Variants in ATRNL1 observed in about 807,000 individuals in gnomAD.
The protein encoded by ATRNL1 is attractin-like protein 1.
A neutral mutation model predicts 182.7 loss-of-function variants in ATRNL1; 95 were observed. The ratio of observed to expected loss-of-function variants is 0.52; its 90% CI spans 0.44 to 0.62. ATRNL1 has a LOEUF of 0.62. Among genes scored for constraint, ATRNL1 ranks in the 20% least tolerant of loss-of-function variants. ATRNL1 has a pLI of 0.00. For synonymous variants in ATRNL1, 576 were observed against 568.3 expected (o/e 1.01, Z -0.19); for missense variants, 1,471 against 1,679.5 (o/e 0.88, Z 2.17).
intron 19 of ATRNL1, among the ~76,000 whole-genome samples, chr10:115,372,266 C>A (rs1467762860): frequency 1.3e-5 from 2 of 152,128 alleles, no homozygotes; most frequent in African/African-American, 4.8e-5. Context: ...TTGATATTAA[C>A]CCCTCATCCA....
At chr10:115,345,628 G>A (rs533593579) in intron 19 of ATRNL1, among the ~76,000 whole-genome samples, 35 of 152,236 alleles carry the variant, frequency 2.3e-4, no homozygotes, top group Admixed American at 5.9e-4. Context: ...TTGTTAAATT[G>A]ATGTCCCTGT....
At chr10:115,690,274 A>G (rs78904465) in intron 26 of ATRNL1, among the ~76,000 whole-genome samples, 2,669 of 151,818 alleles carry the variant, frequency 0.018, 77 homozygotes, top group African/African-American at 0.061. Context: ...CAATTTTTCT[A>G]CAGATGGGGG....
At chr10:115,203,660 A>G (rs1356992619) in intron 8 of ATRNL1, among the ~76,000 whole-genome samples, 1 of 149,534 alleles carries the variant, frequency 6.7e-6, no homozygotes, top group African/African-American at 2.5e-5. Context: ...GCTCACTGCA[A>G]CCTATGCCTC....
intron 24 of ATRNL1, among the ~76,000 whole-genome samples, chr10:115,471,127 G>C (rs1554972030): frequency 6.6e-6 from 1 of 150,442 alleles, no homozygotes; most frequent in African/African-American, 2.4e-5. Context: ...AAGATTTCCT[G>C]CTTTTTAAAG....
At chr10:115,271,322 T>A (rs1209801664) in intron 13 of ATRNL1, among the ~76,000 whole-genome samples, 1 of 152,116 alleles carries the variant, frequency 6.6e-6, no homozygotes. Flanking sequence ...CTAGGGTACA[T>A]GGGCACAATG....
intron 28 of ATRNL1, among the ~76,000 whole-genome samples, chr10:115,906,837 A>C (rs1243913527): frequency 2.0e-5 from 3 of 152,166 alleles, no homozygotes; most frequent in Non-Finnish European, 4.4e-5. Context: ...AAAAAAAATC[A>C]GAAACCTATA....
At chr10:115,834,314 C>T (rs1290531697) in intron 27 of ATRNL1, among the ~76,000 whole-genome samples, 4 of 152,152 alleles carry the variant, frequency 2.6e-5, no homozygotes, top group African/African-American at 9.7e-5. Flanking sequence ...AGCTTCCTGT[C>T]CTTTGAGCCA....
intron 8 of ATRNL1, among the ~76,000 whole-genome samples, chr10:115,176,663 T>C (rs1259351260): frequency 2.0e-5 from 3 of 152,016 alleles, no homozygotes; most frequent in African/African-American, 7.2e-5. Context: ...ATGTAGTAGA[T>C]TGTGAAGCAG....
intron 26 of ATRNL1, among the ~76,000 whole-genome samples, chr10:115,717,548 C>CTTTTTTTTTTTTTTTTTTTT (rs61386440): frequency 2.4e-5 from 2 of 84,360 alleles, no homozygotes; most frequent in Non-Finnish European, 4.4e-5. Flanking sequence ...CTGAAATGTT[C>CTTTTTTTTTTTTTTTTTTTT]TTTTTTTTTT....
chr10:115,267,363 G>T (rs1034999462), intron 12 of ATRNL1, among the ~76,000 whole-genome samples: 20 of 151,372 alleles, frequency 1.3e-4, no homozygotes, highest in African/African-American at 4.6e-4. Context: ...TTTCCATGTG[G>T]TATTTTTTTT....
intron 15 of ATRNL1, among the ~76,000 whole-genome samples, chr10:115,297,437 C>T (rs889060787): frequency 1.3e-5 from 2 of 151,658 alleles, no homozygotes; most frequent in African/African-American, 2.4e-5. Context: ...GTCAGGAGTT[C>T]GAGACCATCC....
intron 18 of ATRNL1, 59 bp downstream of exon 18, chr10:115,315,795 T>A: frequency 2.7e-5 from 36 of 1,321,618 alleles, no homozygotes; most frequent in Non-Finnish European, 3.3e-5. Flanking sequence ...AAGAAGGAGT[T>A]TTTGTTCTTA....
intron 24 of ATRNL1, among the ~76,000 whole-genome samples, chr10:115,473,420 A>T (rs541170271): frequency 6.6e-6 from 1 of 151,416 alleles, no homozygotes; most frequent in African/African-American, 2.4e-5. Context: ...AGAACAGAAT[A>T]CAGCATTATT....
intron 26 of ATRNL1, among the ~76,000 whole-genome samples, chr10:115,706,192 C>T (rs1221813773): frequency 9.9e-5 from 15 of 151,916 alleles, no homozygotes; most frequent in South Asian, 2.1e-4. Context: ...ATGTTCTTGC[C>T]TTTTTTAGTT....
At chr10:115,562,418 GA>G (rs1297390067) in intron 26 of ATRNL1, among the ~76,000 whole-genome samples, 1 of 152,118 alleles carries the variant, frequency 6.6e-6, no homozygotes, top group Non-Finnish European at 1.5e-5. Flanking sequence ...ACAGCTTTAT[GA>G]AAAATTTAAA....
intron 21 of ATRNL1, among the ~76,000 whole-genome samples, chr10:115,443,939 T>G (rs1846830884): frequency 6.6e-6 from 1 of 152,094 alleles, no homozygotes; most frequent in Non-Finnish European, 1.5e-5. Flanking sequence ...ACTAATAAAG[T>G]AGACTTAATA....
At chr10:115,111,150 A>G (rs1844239091) in intron 1 of ATRNL1, among the ~76,000 whole-genome samples, 1 of 152,224 alleles carries the variant, frequency 6.6e-6, no homozygotes, top group Non-Finnish European at 1.5e-5. Context: ...TTATCATTAG[A>G]TAGTAGATTA....
intron 21 of ATRNL1, among the ~76,000 whole-genome samples, chr10:115,459,309 C>T (rs868989845): frequency 3.9e-4 from 60 of 152,250 alleles, no homozygotes; most frequent in African/African-American, 1.4e-3. Context: ...ACTCTGACCG[C>T]TAGTTAGCCG....
At chr10:115,708,922 T>C (rs1302552744) in intron 26 of ATRNL1, among the ~76,000 whole-genome samples, 2 of 151,790 alleles carry the variant, frequency 1.3e-5, no homozygotes, top group Admixed American at 1.3e-4. Flanking sequence ...TGCTTAGTTA[T>C]CTCACTTTTT....
Sources: gnomAD v4.1 joint callset for allele counts (sites outside exome capture counted in the v4.1 genomes callset) on GRCh38, gnomAD v4.1.1 for gene constraint, MANE v1.5 for transcripts, NCBI Gene and HGNC (gene_info 2026-07-23, HGNC 2026-07-21) for gene names.